Variants in CLEC4A observed in about 807,000 individuals in gnomAD.
The protein encoded by CLEC4A is C-type lectin domain family 4 member A.
CLEC4A carries 27 observed loss-of-function variants against 32.7 expected under a neutral mutation model. That is an observed-to-expected ratio of 0.83 (90% CI 0.61 to 1.14). The LOEUF (loss-of-function observed/expected upper bound fraction) is 1.14, where lower values mean the gene tolerates loss of function less well. Ranked by LOEUF, CLEC4A falls within the 50% of genes most tolerant of loss-of-function variation. CLEC4A has a pLI of 0.00. For synonymous variants in CLEC4A, 89 were observed against 93.7 expected (o/e 0.95, Z 0.29); for missense variants, 253 against 274.6 (o/e 0.92, Z 0.55).
chr12:8,123,735 T>C lies in CLEC4A; in HGVS notation c.-144T>C, dbSNP rs1248772293. On this transcript the variant is annotated 5_prime_UTR_variant, in exon 1 of 6. An upstream start codon of the reference 5' UTR is lost. Transcript: ENST00000229332. ...TCTCATGAGACCCCTCTTGAGGATA[T>C]GTGCCTATCTGGTGCCTCTGCTCTC... 2 of 620,714 alleles carry C rather than the reference T, an allele frequency of 3.2e-6. No homozygotes were observed. The highest frequency in any genetic ancestry group is 3.7e-5 in the African/African-American group (2 of 54,276). The allele number at this position is 620,714 out of a possible 1,614,324, so 38.5% of individuals were successfully genotyped here.
the CLEC4A span, among the ~76,000 whole-genome samples, chr12:8,117,706 T>C: frequency 2.7e-4 from 41 of 152,308 alleles, no homozygotes; most frequent in African/African-American, 9.4e-4. Context: ...ATAATAAATC[T>C]CAAGTTTCCT....
At chr12:8,123,088 A>C (rs1418496717), upstream of CLEC4A, among the ~76,000 whole-genome samples, 1 of 152,200 alleles carries the variant, frequency 6.6e-6, no homozygotes, top group African/African-American at 2.4e-5. Flanking sequence ...GTTAAAAAAT[A>C]GTCATATATA....
chr12:8,105,399 G>T, the CLEC4A span, among the ~76,000 whole-genome samples: 1 of 150,592 alleles, frequency 6.6e-6, no homozygotes, highest in South Asian at 2.1e-4. Flanking sequence ...ACCCAGGCTG[G>T]AGTGCAATGG....
At chr12:8,111,921 ATATGTGTGTGTGTGTGTGTGTGTGTG>A in the CLEC4A span, among the ~76,000 whole-genome samples, 9 of 109,662 alleles carry the variant, frequency 8.2e-5, no homozygotes, top group Admixed American at 7.6e-4. Flanking sequence ...GTGAGTGTGT[ATATGTGTGTGTGTGTGTGTGTGTGTG>A]TGTGTGTGTG....
intron 1 of CLEC4A, among the ~76,000 whole-genome samples, chr12:8,124,452 A>G (rs1947868939): frequency 6.6e-6 from 1 of 152,214 alleles, no homozygotes; most frequent in East Asian, 1.9e-4. Flanking sequence ...TTTGCAAATG[A>G]AAGACTAGAA....
intron 3 of CLEC4A, chr12:8,134,591 T>C (rs1248541625): frequency 1.9e-6 from 3 of 1,613,092 alleles, no homozygotes; most frequent in South Asian, 2.2e-5. Flanking sequence ...CCAAGCCGTC[T>C]TGGGGCACTA....
chr12:8,125,532 T>C, intron 1 of CLEC4A, 29 bp from the exon 2 acceptor site: 1 of 1,320,830 alleles, frequency 7.6e-7, no homozygotes, highest in Non-Finnish European at 1.1e-6. Flanking sequence ...AACTTATTAC[T>C]GATAAAACTA....
intron 2 of CLEC4A, among the ~76,000 whole-genome samples, chr12:8,127,132 GA>G (rs1947914546): frequency 6.6e-6 from 1 of 152,196 alleles, no homozygotes; most frequent in Non-Finnish European, 1.5e-5. Context: ...AGTCCTGGCT[GA>G]ACTCACTCAT....
At chr12:8,109,551 T>C in the CLEC4A span, among the ~76,000 whole-genome samples, 140 of 152,284 alleles carry the variant, frequency 9.2e-4, no homozygotes, top group African/African-American at 3.2e-3. Context: ...TAAAACAAAT[T>C]TTAAAATTAA....
intron 4 of CLEC4A, 49 bp downstream of exon 4, chr12:8,135,785 T>C (rs768830310): frequency 4.4e-6 from 7 of 1,587,242 alleles, no homozygotes; most frequent in Non-Finnish European, 5.2e-6. Flanking sequence ...GATCTTTGTA[T>C]ATCTCTCTTG....
the CLEC4A span, among the ~76,000 whole-genome samples, chr12:8,104,336 C>T: frequency 6.6e-6 from 1 of 152,144 alleles, no homozygotes; most frequent in African/African-American, 2.4e-5. Context: ...AGTGCATTTT[C>T]CCCATTTTTC....
At chr12:8,130,047 G>A (rs558914826) in intron 3 of CLEC4A, among the ~76,000 whole-genome samples, 12 of 152,266 alleles carry the variant, frequency 7.9e-5, no homozygotes, top group Middle Eastern at 6.8e-3. Flanking sequence ...TGTTGCCCAG[G>A]CTGATCTTGA....
At chr12:8,127,160 A>G (rs1355401625) in intron 2 of CLEC4A, among the ~76,000 whole-genome samples, 1 of 152,230 alleles carries the variant, frequency 6.6e-6, no homozygotes, top group African/African-American at 2.4e-5. Context: ...GTGGTTGGGT[A>G]CTGGCCACAG....
chr12:8,129,150 C>A, intron 2 of CLEC4A, 114 bp from the exon 3 acceptor site: 1 of 638,180 alleles, frequency 1.6e-6, no homozygotes. Context: ...TCCCTCTACT[C>A]CAGTAATAGG....
At position 8,129,350 on chromosome 12, in the gene CLEC4A, A is replaced by T; in HGVS notation, c.286A>T (p.Met96Leu). The T allele has an allele frequency of 6.2e-7, 1 of 1,605,220 alleles. No homozygotes were observed. The highest frequency in any genetic ancestry group is 1.1e-5 in the South Asian group (1 of 89,856). The change falls in exon 3 of 6, where the codon ATG becomes TTG. Residue 96 changes from methionine to leucine, a missense_variant. Physicochemically the swap from Met to Leu is conservative, Grantham distance 15. Transcript: ENST00000229332. ...HTTLECVKKNMPVEETAWSCC... is the reference protein window; with the variant it reads ...HTTLECVKKNLPVEETAWSCC... ...AACATTGGAGTGTGTGAAAAAAAATATGCCCGTGGAAGGTAAAAATTAATG... is the reference window on the plus strand; with the variant it reads ...AACATTGGAGTGTGTGAAAAAAAATTTGCCCGTGGAAGGTAAAAATTAATG...
chr12:8,135,464 C>A, intron 3 of CLEC4A, 121 bp from the exon 4 acceptor site: 1 of 963,232 alleles, frequency 1.0e-6, no homozygotes, highest in Non-Finnish European at 1.5e-6. Flanking sequence ...CTGGTTGCAT[C>A]TGAGTGTGGA....
the CLEC4A span, among the ~76,000 whole-genome samples, chr12:8,108,798 A>G: frequency 1.3e-5 from 2 of 152,228 alleles, no homozygotes; most frequent in Non-Finnish European, 2.9e-5. Context: ...GTTCTGCCCC[A>G]TCAATCTAAG....
the CLEC4A span, among the ~76,000 whole-genome samples, chr12:8,104,386 C>G: frequency 2.6e-5 from 4 of 152,134 alleles, no homozygotes; most frequent in Admixed American, 2.6e-4. Flanking sequence ...TTATGCCTTG[C>G]AAATAAATTG....
the CLEC4A span, among the ~76,000 whole-genome samples, chr12:8,114,284 G>A: frequency 5.3e-5 from 8 of 151,314 alleles, no homozygotes; most frequent in East Asian, 1.9e-4. Flanking sequence ...TTGCTCTGTC[G>A]CCCAGGCTGG....
Sources: gnomAD v4.1 joint callset for allele counts (sites outside exome capture counted in the v4.1 genomes callset) on GRCh38, gnomAD v4.1.1 for gene constraint, MANE v1.5 for transcripts, NCBI Gene and HGNC (gene_info 2026-07-23, HGNC 2026-07-21) for gene names.